CTNNA2: variants seen among roughly 807,000 people sequenced by gnomAD.
CTNNA2 encodes catenin alpha-2.
In CTNNA2, 42 loss-of-function variants were observed where a neutral mutation model predicts 101.0. The observed-to-expected ratio is 0.42, with a 90% CI of 0.32 to 0.54. The LOEUF is 0.54. Ranked by LOEUF, CTNNA2 falls within the 20% of genes least tolerant of loss-of-function variation. The pLI is 0.14. For missense variants in CTNNA2, 871 were observed against 1,223.1 expected, an observed-to-expected ratio of 0.71 and a Z score of 4.29; for synonymous variants, 450 against 456.4, an observed-to-expected ratio of 0.99 and a Z score of 0.18.
intron 7 of CTNNA2, among the ~76,000 whole-genome samples, chr2:80,242,939 A>AGCAAAGG (rs1671052192): frequency 6.6e-6 from 1 of 152,172 alleles, no homozygotes. Context: ...CGGAGGGAGC[A>AGCAAAGG]GCAAAGGGCC....
At chr2:80,325,151 A>G (rs1242925052) in intron 7 of CTNNA2, among the ~76,000 whole-genome samples, 1 of 152,192 alleles carries the variant, frequency 6.6e-6, no homozygotes, top group Non-Finnish European at 1.5e-5. Context: ...ATGAAAGACT[A>G]TGTCACTTGC....
In CTNNA2 at chr2:79,303,373, C is replaced by A. The variant is rs370407001; in HGVS notation, c.-405-9336C>A. Among the ~76,000 whole-genome samples, 11 of 152,224 alleles carry A rather than the reference C, an allele frequency of 7.2e-5. No individual in the cohort carries two copies. The East Asian group carries it at 1.9e-3, about 27-fold the overall frequency. ...GGCTACTTTGTTGTTGTGTAAACAT[C>A]AGTTATTTCTATTTTGGTCTTGAAG... is the stretch of plus-strand genomic sequence containing the variant. On this transcript the variant is annotated intron_variant, in intron 2 of 21. Transcript: ENST00000466387.
intron 7 of CTNNA2, among the ~76,000 whole-genome samples, chr2:80,362,778 T>C (rs1674534948): frequency 6.6e-6 from 1 of 152,134 alleles, no homozygotes; most frequent in Admixed American, 6.6e-5. Context: ...ATGTTGTGTA[T>C]GAATTCTCTT....
In CTNNA2 at chr2:80,574,176, C is replaced by T. The variant is rs755494251; in HGVS notation, c.1755C>T (p.Phe585=). Residue 585 remains phenylalanine, a synonymous_variant, in exon 13 of 19, where the codon TTC becomes TTT. Coordinates refer to ENST00000402739, the MANE Select transcript of CTNNA2 (RefSeq NM_001282597.3). ...TTTTTAACCCAGTGATGCCACGCTT[C>T]GCTGAACAAGTAGAGGTTGCCATTG... The part of the protein sequence containing the change: ...KLLSETVMPR[F]AEQVEVAIEA... The T allele has an allele frequency of 3.3e-5, 54 of 1,612,202 alleles. No individual in the cohort carries two copies. Among genetic ancestry groups the T allele is most frequent in the Admixed American group, 6.7e-5 (4 of 59,902 alleles).
At chr2:79,892,018 A>G (rs1684339202) in intron 6 of CTNNA2, among the ~76,000 whole-genome samples, 1 of 152,078 alleles carries the variant, frequency 6.6e-6, no homozygotes, top group South Asian at 2.1e-4. Flanking sequence ...GAACACTGGT[A>G]TGTCCTTTAT....
intron 7 of CTNNA2, among the ~76,000 whole-genome samples, chr2:79,971,223 A>C (rs1197437207): frequency 1.3e-5 from 2 of 152,230 alleles, no homozygotes; most frequent in Admixed American, 6.5e-5. Flanking sequence ...ATGTACAGAC[A>C]TAGTCAGCTA....
At chr2:80,475,682 G>A (rs1319837914) in intron 9 of CTNNA2, among the ~76,000 whole-genome samples, 12 of 152,090 alleles carry the variant, frequency 7.9e-5, no homozygotes, top group Non-Finnish European at 1.6e-4. Flanking sequence ...TGCATTTGAA[G>A]AGCTGCCTTA....
At chr2:80,242,618 G>T (rs1342275757) in intron 7 of CTNNA2, among the ~76,000 whole-genome samples, 2 of 152,126 alleles carry the variant, frequency 1.3e-5, no homozygotes, top group African/African-American at 4.8e-5. Flanking sequence ...TTTCCATTTT[G>T]CGCTGCAGCA....
At chr2:79,627,188 TG>T (rs1377033497) in intron 1 of CTNNA2, among the ~76,000 whole-genome samples, 1 of 152,248 alleles carries the variant, frequency 6.6e-6, no homozygotes, top group Non-Finnish European at 1.5e-5. Context: ...AAGATGTAGA[TG>T]GTTTTGCCAT....
At chr2:80,330,192 G>T (rs1190267999) in intron 7 of CTNNA2, among the ~76,000 whole-genome samples, 1 of 152,196 alleles carries the variant, frequency 6.6e-6, no homozygotes, top group Non-Finnish European at 1.5e-5. Flanking sequence ...GAGCTATCTT[G>T]TGCCAAGCAA....
intron 3 of CTNNA2, among the ~76,000 whole-genome samples, chr2:79,781,602 T>C (rs1302337607): frequency 6.6e-6 from 1 of 152,210 alleles, no homozygotes; most frequent in East Asian, 1.9e-4. Flanking sequence ...TTGATTTTTA[T>C]TTTTCACTTT....
intron 7 of CTNNA2, among the ~76,000 whole-genome samples, chr2:80,134,466 A>AG (rs1438934524): frequency 2.6e-5 from 4 of 152,152 alleles, no homozygotes; most frequent in African/African-American, 9.7e-5. Flanking sequence ...TAAACCTTCC[A>AG]GGGGGGTTTG....
chr2:80,386,647 AT>A (rs1490206413), intron 7 of CTNNA2, among the ~76,000 whole-genome samples: 1 of 152,180 alleles, frequency 6.6e-6, no homozygotes, highest in Non-Finnish European at 1.5e-5. Context: ...TGCATGGCAT[AT>A]TATTGCTTTC....
intron 4 of CTNNA2, among the ~76,000 whole-genome samples, chr2:79,477,168 C>CTTTTTTTTTTTTTTTTTTTTTTTTTTTTT (rs5832392): frequency 4.1e-5 from 5 of 123,148 alleles, no homozygotes; most frequent in East Asian, 2.6e-4. Flanking sequence ...TCTTTTTTTT[C>CTTTTTTTTTTTTTTTTTTTTTTTTTTTTT]TTTTTTTTTT....
chr2:80,601,053 A>T (rs1330550498), intron 15 of CTNNA2, among the ~76,000 whole-genome samples: 1 of 152,166 alleles, frequency 6.6e-6, no homozygotes, highest in Admixed American at 6.5e-5. Flanking sequence ...GCTGATGTCC[A>T]GGAAGTAAAT....
intron 7 of CTNNA2, among the ~76,000 whole-genome samples, chr2:80,089,229 C>A (rs896404450): frequency 1.3e-5 from 2 of 151,954 alleles, no homozygotes; most frequent in African/African-American, 2.4e-5. Flanking sequence ...AAAATGGAAT[C>A]TTCTAGAATT....
intron 2 of CTNNA2, among the ~76,000 whole-genome samples, chr2:79,229,107 G>T (rs150371019): frequency 1.4e-3 from 207 of 152,232 alleles, no homozygotes; most frequent in African/African-American, 4.1e-3. Flanking sequence ...TGTTCCATTG[G>T]TCTACGTGTC....
chr2:79,505,596 G>A (rs558864199), intron 5 of CTNNA2, among the ~76,000 whole-genome samples: 46 of 152,286 alleles, frequency 3.0e-4, no homozygotes, highest in African/African-American at 1.1e-3. Context: ...ATACGGCAAT[G>A]AGCTAAGGCC....
In CTNNA2 at chr2:79,251,460, C is replaced by G. The variant is rs113362682; in HGVS notation, c.-406+53384C>G. On this transcript the variant is annotated intron_variant, in intron 2 of 21. Coordinates refer to the CTNNA2 transcript ENST00000466387. ...CTGACACCCATGTGTGAACCTTTCC[C>G]TTTAAGTATGGGCTGGATTCAGTAA... 3.5e-4 allele frequency among the ~76,000 whole-genome samples: 54 copies of G among 152,292 alleles called. 1 individual carries two copies. The highest frequency in any genetic ancestry group is 1.1e-3 in the African/African-American group (46 of 41,578).
Sources: allele counts gnomAD v4.1 joint callset (sites outside exome capture counted in the v4.1 genomes callset), GRCh38; gene constraint gnomAD v4.1.1; transcripts MANE v1.5; gene names NCBI Gene and HGNC (gene_info 2026-07-23, HGNC 2026-07-21).